The following GALNT13 variants were observed in gnomAD, a reference collection of about 807,000 sequenced individuals.
GALNT13 encodes polypeptide N-acetylgalactosaminyltransferase 13.
GALNT13 carries 28 observed loss-of-function variants against 64.2 expected under a neutral mutation model. That is an observed-to-expected ratio of 0.44 (90% CI 0.32 to 0.60). The LOEUF (loss-of-function observed/expected upper bound fraction) is 0.60. GALNT13 is among the 20% of genes least tolerant of loss of function. GALNT13 has a pLI of 0.05. For synonymous variants in GALNT13, 214 were observed against 224.6 expected, an observed-to-expected ratio of 0.95 and a Z score of 0.42; for missense variants, 577 against 669.8, an observed-to-expected ratio of 0.86 and a Z score of 1.53.
chr2:153,311,065 A>G, the GALNT13 span, among the ~76,000 whole-genome samples: 1 of 152,222 alleles, frequency 6.6e-6, no homozygotes, highest in Non-Finnish European at 1.5e-5. Context: ...ACAAGCCCAT[A>G]TATAAGAAGG....
chr2:154,418,233 GA>G (rs1227177920), intron 11 of GALNT13, among the ~76,000 whole-genome samples: 1 of 152,138 alleles, frequency 6.6e-6, no homozygotes, highest in African/African-American at 2.4e-5. Flanking sequence ...CATCTTCCTG[GA>G]GGATGAAATT....
chr2:153,484,378 TTA>T, the GALNT13 span, among the ~76,000 whole-genome samples: 1 of 152,220 alleles, frequency 6.6e-6, no homozygotes, highest in Non-Finnish European at 1.5e-5. Context: ...AACTGAGCAG[TTA>T]TATTGATCTC....
the GALNT13 span, among the ~76,000 whole-genome samples, chr2:153,752,165 T>G: frequency 2.6e-5 from 4 of 152,048 alleles, no homozygotes; most frequent in South Asian, 8.3e-4. Flanking sequence ...TTATTTCTAT[T>G]CATATCTTAT....
At chr2:153,264,256 T>C in the GALNT13 span, among the ~76,000 whole-genome samples, 1 of 152,190 alleles carries the variant, frequency 6.6e-6, no homozygotes, top group Non-Finnish European at 1.5e-5. Context: ...TATGCCAGTT[T>C]GAATGGCGAC....
chr2:153,125,616 C>T, the GALNT13 span, among the ~76,000 whole-genome samples: 1 of 152,130 alleles, frequency 6.6e-6, no homozygotes, highest in Non-Finnish European at 1.5e-5. Context: ...AAAATTGAAT[C>T]AATTTAAAGG....
At chr2:153,695,153 T>G in the GALNT13 span, among the ~76,000 whole-genome samples, 8 of 152,232 alleles carry the variant, frequency 5.3e-5, no homozygotes, top group African/African-American at 1.9e-4. Flanking sequence ...CTGGGGAAGC[T>G]CAACAGAGAC....
At chr2:153,698,442 C>A in the GALNT13 span, among the ~76,000 whole-genome samples, 1 of 152,110 alleles carries the variant, frequency 6.6e-6, no homozygotes, top group Admixed American at 6.5e-5. Flanking sequence ...GCGTCACAAT[C>A]CTAGTCTCTG....
At chr2:153,907,427 G>C (rs986032516) in intron 2 of GALNT13, among the ~76,000 whole-genome samples, 20 of 151,552 alleles carry the variant, frequency 1.3e-4, no homozygotes, top group African/African-American at 4.6e-4. Context: ...TTAGGTTTAG[G>C]GGTACATGAG....
chr2:153,343,925 A>G, the GALNT13 span, among the ~76,000 whole-genome samples: 1 of 152,206 alleles, frequency 6.6e-6, no homozygotes, highest in African/African-American at 2.4e-5. Context: ...AGTTAGTTCA[A>G]ATATAATTCT....
chr2:153,631,286 T>C, the GALNT13 span, among the ~76,000 whole-genome samples: 1 of 152,230 alleles, frequency 6.6e-6, no homozygotes, highest in Non-Finnish European at 1.5e-5. Flanking sequence ...TGCATGTGTC[T>C]TTATAACAGC....
At chr2:153,175,448 AGTGTT>A in the GALNT13 span, among the ~76,000 whole-genome samples, 1 of 152,188 alleles carries the variant, frequency 6.6e-6, no homozygotes. Context: ...ATTCAAACTT[AGTGTT>A]AAGTAGGGAC....
At chr2:154,433,350 G>A (rs1700789943) in intron 11 of GALNT13, among the ~76,000 whole-genome samples, 1 of 152,124 alleles carries the variant, frequency 6.6e-6, no homozygotes, top group African/African-American at 2.4e-5. Context: ...GAGGTGCTCA[G>A]AGATGGGAAT....
intron 3 of GALNT13, among the ~76,000 whole-genome samples, chr2:153,953,537 A>G (rs1425606606): frequency 6.6e-6 from 1 of 152,168 alleles, no homozygotes. Flanking sequence ...TGGTTATTAT[A>G]GTGTAAGTTC....
At chr2:153,171,360 G>A in the GALNT13 span, among the ~76,000 whole-genome samples, 1 of 152,106 alleles carries the variant, frequency 6.6e-6, no homozygotes, top group Non-Finnish European at 1.5e-5. Context: ...TAAAAAGCAT[G>A]TGACATAAAA....
chr2:153,617,352 G>T, the GALNT13 span, among the ~76,000 whole-genome samples: 2 of 151,946 alleles, frequency 1.3e-5, no homozygotes, highest in Admixed American at 6.6e-5. Flanking sequence ...CTGTTGATAT[G>T]ATGTATTACC....
chr2:153,249,214 C>G, the GALNT13 span, among the ~76,000 whole-genome samples: 1 of 152,278 alleles, frequency 6.6e-6, no homozygotes, highest in Admixed American at 6.5e-5. Context: ...GTAAAAATCA[C>G]AAGTATTCCT....
At chr2:153,390,800 A>G in the GALNT13 span, among the ~76,000 whole-genome samples, 1 of 152,100 alleles carries the variant, frequency 6.6e-6, no homozygotes, top group East Asian at 1.9e-4. Flanking sequence ...TGATAACGTA[A>G]AAGGTGAACA....
the GALNT13 span, among the ~76,000 whole-genome samples, chr2:153,474,027 A>G: frequency 6.6e-6 from 1 of 152,110 alleles, no homozygotes; most frequent in Non-Finnish European, 1.5e-5. Flanking sequence ...CAGGTTAAAA[A>G]CTGTCATCTA....
chr2:153,633,540 C>G, the GALNT13 span, among the ~76,000 whole-genome samples: 2 of 152,168 alleles, frequency 1.3e-5, no homozygotes, highest in East Asian at 3.9e-4. Flanking sequence ...ATCACCTCTT[C>G]CAAGAAATGC....
Sources: gnomAD v4.1 joint callset for allele counts (sites outside exome capture counted in the v4.1 genomes callset) on GRCh38, gnomAD v4.1.1 for gene constraint, MANE v1.5 for transcripts, NCBI Gene and HGNC (gene_info 2026-07-23, HGNC 2026-07-21) for gene names.